TC2N: variants seen among roughly 807,000 people sequenced by gnomAD.
TC2N encodes tandem C2 domains nuclear protein.
TC2N carries 51 observed loss-of-function variants against 61.9 expected under a neutral mutation model. The ratio of observed to expected loss-of-function variants is 0.82; its 90% confidence interval spans 0.66 to 1.04. TC2N has a LOEUF of 1.04. Among genes scored for constraint, TC2N ranks in the 50% least tolerant of loss-of-function variants. TC2N has a pLI of 0.00. For synonymous variants in TC2N, 204 were observed against 192.6 expected (o/e 1.06, Z -0.49); for missense variants, 556 against 566.7 (o/e 0.98, Z 0.19).
intron 1 of TC2N, among the ~76,000 whole-genome samples, chr14:91,841,290 G>A (rs890537670): frequency 7.9e-5 from 12 of 152,194 alleles, no homozygotes; most frequent in Non-Finnish European, 1.3e-4. Flanking sequence ...CCTCTGTATG[G>A]ACTGGAAGAA....
intron 3 of TC2N, among the ~76,000 whole-genome samples, chr14:91,803,614 G>A (rs1886368887): frequency 6.6e-6 from 1 of 151,676 alleles, no homozygotes; most frequent in African/African-American, 2.4e-5. Context: ...CACCACGCCA[G>A]CTAAGTTTTT....
intron 11 of TC2N, among the ~76,000 whole-genome samples, chr14:91,784,959 T>C (rs1885292090): frequency 6.6e-6 from 1 of 152,184 alleles, no homozygotes; most frequent in South Asian, 2.1e-4. Flanking sequence ...TATTTAAAGA[T>C]AAACCTGATT....
intron 3 of TC2N, among the ~76,000 whole-genome samples, chr14:91,803,528 C>T (rs866505639): frequency 2.0e-5 from 3 of 152,076 alleles, no homozygotes; most frequent in South Asian, 2.1e-4. Context: ...TCTCGGCTCA[C>T]TGAAACCTCC....
chr14:91,813,296 G>A (rs1187481048), intron 2 of TC2N, among the ~76,000 whole-genome samples: 1 of 151,634 alleles, frequency 6.6e-6, no homozygotes, highest in Non-Finnish European at 1.5e-5. Context: ...TACACATATT[G>A]TAGATTGTCT....
chr14:91,804,543 C>T (rs1272397030), intron 3 of TC2N, among the ~76,000 whole-genome samples: 4 of 152,088 alleles, frequency 2.6e-5, no homozygotes, highest in Non-Finnish European at 5.9e-5. Flanking sequence ...ATTTAGAATA[C>T]AGAACGAATT....
chr14:91,837,117 TA>T lies in TC2N; in HGVS notation c.-56-23293del, dbSNP rs1305040679. 6.6e-6 allele frequency among the ~76,000 whole-genome samples: 1 copy of T among 152,174 alleles called. No individual in the cohort carries two copies. The highest frequency in any genetic ancestry group is 1.5e-5 in the Non-Finnish European group (1 of 68,026). ...TATGAGGGATCCCCTCTAACCCTGG[TA>T]AAGCGGGGGGCCTGGCCCTTTTCTC... On this transcript the variant is annotated intron_variant, in intron 1 of 11. Transcript: ENST00000435962. This position sits in a 1 kb window ranked among gnomAD's most constrained non-coding sequence, Gnocchi z 4.2.
chr14:91,799,446 C>T (rs532889156), intron 5 of TC2N, among the ~76,000 whole-genome samples: 13 of 152,124 alleles, frequency 8.5e-5, no homozygotes, highest in African/African-American at 3.1e-4. Context: ...TCTGGACCTG[C>T]AGAAACAGTA....
At chr14:91,804,215 T>G (rs547465728) in intron 3 of TC2N, among the ~76,000 whole-genome samples, 1 of 152,204 alleles carries the variant, frequency 6.6e-6, no homozygotes, top group African/African-American at 2.4e-5. Flanking sequence ...AGTAGAGGAA[T>G]GTAAACGATC....
intron 3 of TC2N, among the ~76,000 whole-genome samples, chr14:91,803,334 T>C (rs1886348351): frequency 6.6e-6 from 1 of 151,646 alleles, no homozygotes; most frequent in Admixed American, 6.6e-5. Flanking sequence ...CAGGGAAGCA[T>C]TTCTTAAATG....
chr14:91,822,131 G>C (rs943581984), intron 1 of TC2N, among the ~76,000 whole-genome samples: 2 of 152,134 alleles, frequency 1.3e-5, no homozygotes, highest in African/African-American at 4.8e-5. Flanking sequence ...ACATGATCCA[G>C]ACATGCCATT....
At chr14:91,806,122 T>C (rs759386771) in intron 3 of TC2N, among the ~76,000 whole-genome samples, 1 of 152,124 alleles carries the variant, frequency 6.6e-6, no homozygotes, top group Admixed American at 6.5e-5. Flanking sequence ...CCTGCTACCA[T>C]GTAAGATGTG....
intron 6 of TC2N, 137 bp from the exon 7 acceptor site, chr14:91,798,536 C>A: frequency 3.3e-6 from 2 of 597,240 alleles, no homozygotes; most frequent in Non-Finnish European, 5.9e-6. Context: ...TCTAAGAAGA[C>A]AAAAATCACA....
At chr14:91,846,381 T>A (rs76853723) in intron 1 of TC2N, among the ~76,000 whole-genome samples, 1 of 152,180 alleles carries the variant, frequency 6.6e-6, no homozygotes, top group Non-Finnish European at 1.5e-5. Context: ...ATTTTTTTTT[T>A]AATCTCTTCC....
Position 91,787,514 on chromosome 14 carries a change from C to G in TC2N, c.1161G>C (p.Leu387Phe). 6.3e-7 allele frequency: 1 copy of G among 1,594,344 alleles called. No individual in the cohort carries two copies. Among genetic ancestry groups the G allele is most frequent in the Non-Finnish European group, 8.6e-7 (1 of 1,166,614 alleles). Residue 387 changes from leucine (L) to phenylalanine (F), a missense_variant and splice_region_variant, in exon 10 of 12, where the codon TTG (leucine) becomes TTC (phenylalanine). Physicochemically the swap from Leu to Phe is conservative, Grantham distance 22. Transcript: ENST00000435962. ...ACTTTGAACCACTGATATACTTACT[C>G]AAAGTCAGAGGTGTTGATGAGCTTG... ...YLPSSSTPLT[L>F]SFFVKVGMFS...
chr14:91,793,858 A>C (rs562589267), intron 8 of TC2N, among the ~76,000 whole-genome samples: 1 of 152,324 alleles, frequency 6.6e-6, no homozygotes, highest in Admixed American at 6.5e-5. Context: ...TCCGACTTTA[A>C]ATCAAAAGCT....
intron 1 of TC2N, among the ~76,000 whole-genome samples, chr14:91,862,668 C>A (rs183234433): frequency 1.3e-5 from 2 of 152,336 alleles, no homozygotes; most frequent in African/African-American, 4.8e-5. Flanking sequence ...CTCCTCCCTG[C>A]GGCCTGCCCC....
chr14:91,807,086 G>A (rs1001080051), intron 3 of TC2N, among the ~76,000 whole-genome samples: 1 of 152,228 alleles, frequency 6.6e-6, no homozygotes, highest in African/African-American at 2.4e-5. Context: ...GAGCCTGCAG[G>A]TGCATAGAAG....
At chr14:91,851,523 G>A (rs1888376367) in intron 1 of TC2N, among the ~76,000 whole-genome samples, 3 of 152,148 alleles carry the variant, frequency 2.0e-5, no homozygotes, top group Non-Finnish European at 2.9e-5. Context: ...TTGCCGTAGC[G>A]TCGGAATGAA....
chr14:91,840,603 T>G (rs929774188), intron 1 of TC2N, among the ~76,000 whole-genome samples: 8 of 152,202 alleles, frequency 5.3e-5, no homozygotes, highest in African/African-American at 1.9e-4. Flanking sequence ...TTGAAGGGTT[T>G]CCCTGAGTGG....
Sources: allele counts gnomAD v4.1 joint callset (sites outside exome capture counted in the v4.1 genomes callset), GRCh38; gene constraint gnomAD v4.1.1; non-coding constraint Gnocchi (gnomAD v3.1); transcripts MANE v1.5; gene names NCBI Gene and HGNC (gene_info 2026-07-23, HGNC 2026-07-21).